Variants in SEMA5A observed in about 807,000 individuals in gnomAD.
SEMA5A encodes semaphorin-5A.
SEMA5A carries 55 observed loss-of-function variants against 135.5 expected under a neutral mutation model. The ratio of observed to expected loss-of-function variants is 0.41; its 90% CI spans 0.33 to 0.51. The LOEUF is 0.51. Among genes scored for constraint, SEMA5A ranks in the 20% least tolerant of loss-of-function variants. The pLI is 0.37. For synonymous variants in SEMA5A, 580 were observed against 546.5 expected, an observed-to-expected ratio of 1.06 and a Z score of -0.85; for missense variants, 1,290 against 1,419.9, an observed-to-expected ratio of 0.91 and a Z score of 1.47.
At chr5:9,322,980 T>C (rs1240869176) in intron 4 of SEMA5A, among the ~76,000 whole-genome samples, 1 of 152,190 alleles carries the variant, frequency 6.6e-6, no homozygotes, top group Non-Finnish European at 1.5e-5. Context: ...TCCTAGGCCA[T>C]CAATTTTCAC....
At chr5:9,475,444 G>A (rs1399858158) in intron 1 of SEMA5A, among the ~76,000 whole-genome samples, 1 of 152,176 alleles carries the variant, frequency 6.6e-6, no homozygotes. Flanking sequence ...AGTAGTGGAG[G>A]CTCTGTGAAT....
intron 1 of SEMA5A, among the ~76,000 whole-genome samples, chr5:9,472,506 G>T (rs1022261061): frequency 1.3e-5 from 2 of 152,156 alleles, no homozygotes; most frequent in Admixed American, 6.5e-5. Context: ...TTGTTCTATA[G>T]ACACAGAAAC....
chr5:9,267,570 T>A (rs558686831), intron 5 of SEMA5A, among the ~76,000 whole-genome samples: 4 of 152,166 alleles, frequency 2.6e-5, no homozygotes, highest in Non-Finnish European at 5.9e-5. Flanking sequence ...TCCTGGGTCT[T>A]CTAGACCAGT....
At chr5:9,389,409 T>A (rs971445364) in intron 2 of SEMA5A, among the ~76,000 whole-genome samples, 1 of 152,186 alleles carries the variant, frequency 6.6e-6, no homozygotes, top group African/African-American at 2.4e-5. Context: ...TAGGGGTATT[T>A]ACATATAAAA....
intron 1 of SEMA5A, among the ~76,000 whole-genome samples, chr5:9,501,499 G>A (rs1473612855): frequency 6.6e-6 from 1 of 152,188 alleles, no homozygotes; most frequent in African/African-American, 2.4e-5. Flanking sequence ...AGAGCATTAA[G>A]TGGGCAAAGG....
At chr5:9,050,337 A>G in intron 21 of SEMA5A, 73 bp downstream of exon 21, 4 of 1,380,464 alleles carry the variant, frequency 2.9e-6, no homozygotes, top group South Asian at 1.4e-5. Flanking sequence ...AAAATTATAG[A>G]AAACATGCAG....
intron 5 of SEMA5A, among the ~76,000 whole-genome samples, chr5:9,242,158 G>T (rs1197002718): frequency 6.6e-6 from 1 of 152,172 alleles, no homozygotes; most frequent in Non-Finnish European, 1.5e-5. Flanking sequence ...CTATATCTTT[G>T]TTCAAAACTG....
Position 9,276,264 on chromosome 5 carries a change from G to T in SEMA5A, c.271-38374C>A, listed in dbSNP as rs10060478. Among the ~76,000 whole-genome samples the T allele has an allele frequency of 9.2e-3, 1,393 of 152,238 alleles. 18 individuals carry two copies. The highest frequency in any genetic ancestry group is 0.028 in the African/African-American group (1,165 of 41,542). On this transcript the variant is annotated intron_variant, in intron 5 of 22. Transcript: ENST00000382496. ...ATACAACTTACAATGGATGTGAAGG[G>T]CCTCTTCAAGGGGAACAACAAACCA...
At chr5:9,358,141 C>G (rs1042288470) in intron 3 of SEMA5A, among the ~76,000 whole-genome samples, 1 of 152,122 alleles carries the variant, frequency 6.6e-6, no homozygotes, top group East Asian at 1.9e-4. Context: ...CTCCATACCT[C>G]TCATTCCATC....
Position 9,147,276 on chromosome 5 carries a change from CT to C in SEMA5A, c.1481+7211del, listed in dbSNP as rs1742389381. On this transcript the variant is annotated intron_variant, in intron 12 of 22. Transcript: ENST00000382496. ...CCAGTTCACTCAATAGAACCAATGT[CT>C]TTTTCCTTTTCTTTTTCTTTTTCTT... Among the ~76,000 whole-genome samples, 4 of 152,206 alleles carry C rather than the reference CT, an allele frequency of 2.6e-5. 1 individual carries two copies. In the East Asian group the frequency reaches 5.8e-4, roughly 22 times the overall value.
At chr5:9,201,185 G>A (rs1156858838) in intron 9 of SEMA5A, among the ~76,000 whole-genome samples, 1 of 152,130 alleles carries the variant, frequency 6.6e-6, no homozygotes, top group Non-Finnish European at 1.5e-5. Context: ...GAGTCTCAAT[G>A]TGAGCCTTGA....
intron 8 of SEMA5A, among the ~76,000 whole-genome samples, chr5:9,219,920 T>C (rs1466650272): frequency 2.6e-5 from 4 of 152,056 alleles, no homozygotes; most frequent in Non-Finnish European, 5.9e-5. Flanking sequence ...ACCAGATCTG[T>C]GAATGGTCCT....
intron 16 of SEMA5A, among the ~76,000 whole-genome samples, chr5:9,099,550 T>G (rs1228273057): frequency 6.6e-6 from 1 of 152,198 alleles, no homozygotes; most frequent in Admixed American, 6.5e-5. Flanking sequence ...GTCAAGGTCA[T>G]GTCTTTAGCT....
intron 5 of SEMA5A, among the ~76,000 whole-genome samples, chr5:9,295,847 T>G (rs1447491614): frequency 6.6e-6 from 1 of 152,218 alleles, no homozygotes; most frequent in Non-Finnish European, 1.5e-5. Flanking sequence ...AAACTTAACC[T>G]CTTTATTTTG....
At chr5:9,094,023 G>A (rs1560907467) in intron 16 of SEMA5A, among the ~76,000 whole-genome samples, 1 of 152,130 alleles carries the variant, frequency 6.6e-6, no homozygotes, top group South Asian at 2.1e-4. Flanking sequence ...GTTCCACTCA[G>A]TGTTCTCTCA....
At chr5:9,138,003 T>C (rs557625397) in intron 12 of SEMA5A, among the ~76,000 whole-genome samples, 1 of 152,116 alleles carries the variant, frequency 6.6e-6, no homozygotes, top group South Asian at 2.1e-4. Flanking sequence ...AGGGAAGATA[T>C]GTTTACAGTT....
At chr5:9,327,897 G>C (rs1358556612) in intron 4 of SEMA5A, among the ~76,000 whole-genome samples, 2 of 151,894 alleles carry the variant, frequency 1.3e-5, no homozygotes, top group Non-Finnish European at 2.9e-5. Flanking sequence ...AGTTAACAGA[G>C]ATAATTTTTC....
intron 1 of SEMA5A, among the ~76,000 whole-genome samples, chr5:9,477,408 G>T (rs1759708927): frequency 6.6e-6 from 1 of 152,184 alleles, no homozygotes; most frequent in Non-Finnish European, 1.5e-5. Flanking sequence ...AGTCTGGAGG[G>T]CTCAGAAGAC....
chr5:9,289,505 A>C (rs1750969011), intron 5 of SEMA5A, among the ~76,000 whole-genome samples: 1 of 152,130 alleles, frequency 6.6e-6, no homozygotes, highest in Non-Finnish European at 1.5e-5. Context: ...CTCTACAAAA[A>C]ATACAAAAAA....
Sources: allele counts gnomAD v4.1 joint callset (sites outside exome capture counted in the v4.1 genomes callset), GRCh38; gene constraint gnomAD v4.1.1; transcripts MANE v1.5; gene names NCBI Gene and HGNC (gene_info 2026-07-23, HGNC 2026-07-21).